PRRC2A: variants seen among roughly 807,000 people sequenced by gnomAD.
PRRC2A encodes protein PRRC2A.
PRRC2A carries 59 observed loss-of-function variants against 224.6 expected under a neutral mutation model. The observed-to-expected ratio is 0.26, with a 90% CI of 0.21 to 0.33. The LOEUF (loss-of-function observed/expected upper bound fraction) is 0.33. Among genes scored for constraint, PRRC2A ranks in the 10% least tolerant of loss-of-function variants. The pLI is 1.00. For synonymous variants in PRRC2A, 1,194 were observed against 1,109.5 expected, an observed-to-expected ratio of 1.08 and a Z score of -1.51; for missense variants, 3,095 against 2,880.7, an observed-to-expected ratio of 1.07 and a Z score of -1.70.
At chr6:31,630,559 G>A (rs1459346710) in intron 14 of PRRC2A, 32 bp from the exon 15 acceptor site, 2 of 1,611,304 alleles carry the variant, frequency 1.2e-6, no homozygotes, top group Middle Eastern at 1.7e-4. Context: ...GACATGAATA[G>A]GATTATTTTT....
chr6:31,622,100 T>C (rs1583173460), intron 1 of PRRC2A, among the ~76,000 whole-genome samples: 1 of 152,340 alleles, frequency 6.6e-6, no homozygotes, highest in East Asian at 1.9e-4. Context: ...TGGGAGTATG[T>C]ACAGCCCTAG....
chr6:31,628,780 T>G, intron 12 of PRRC2A: 1 of 243,866 alleles, frequency 4.1e-6, no homozygotes, highest in Non-Finnish European at 7.9e-6. Flanking sequence ...GGCAGAGATT[T>G]CTGTGAGCCA....
rs1405704391 is a variant in PRRC2A at position 31,635,591 on chromosome 6, G to A, written c.5383G>A (p.Val1795Ile). ...LTASVTEAIP[V>I]SRDWELLPSA... ...GGCCTCTCCTTCCCAGGCCATTCCT[G>A]TATCACGAGACTGGGAGCTGCTTCC... The change falls in exon 24 of 31, where the codon GTA becomes ATA. Residue 1795 changes from valine (V) to isoleucine (I), a missense_variant. By Grantham distance (29) the Val-to-Ile change is conservative. Around this residue, in one of 8 missense-constraint regions of PRRC2A, gnomAD observed 662 missense variants for 609.5 expected, o/e 1.09. Transcript: ENST00000376033. 1.2e-6 allele frequency: 2 copies of A among 1,611,020 alleles called. No homozygotes were observed. The highest frequency in any genetic ancestry group is 2.7e-5 in the African/African-American group (2 of 74,986).
Position 31,632,073 on chromosome 6 carries a change from C to G in PRRC2A, c.3400C>G (p.Gln1134Glu). ...CACACCCAAGGAGGGAACACTCACC[C>G]AGGTCCCTCTCGCTCCCCCACCACC... ...APTPKEGTLT[Q>E]VPLAPPPPGA... Residue 1134 changes from glutamine to glutamate, a missense_variant, in exon 16 of 31, where the codon CAG (glutamine) becomes GAG (glutamate). By Grantham distance (29) the Gln-to-Glu change is conservative (BLOSUM62 2). Transcript: ENST00000376033. 2 of 1,561,968 alleles carry G rather than the reference C, an allele frequency of 1.3e-6. No individual in the cohort carries two copies. The highest frequency in any genetic ancestry group is 1.7e-6 in the Non-Finnish European group (2 of 1,152,212).
chr6:31,637,294 C>A lies in PRRC2A; in HGVS notation c.6303C>A (p.Phe2101Leu). The change falls in exon 30 of 31, where the codon TTC becomes TTA. Residue 2101 changes from phenylalanine to leucine, a missense_variant. Physicochemically the swap from Phe to Leu is conservative, Grantham distance 22. Around this residue, in one of 8 missense-constraint regions of PRRC2A, gnomAD observed 662 missense variants for 609.5 expected, o/e 1.09. Coordinates refer to ENST00000376033, the MANE Select transcript of PRRC2A (RefSeq NM_004638.4). ...CGCCTTCCACCTACAGTGGAGTCTTCCGCACCCAGCGCGTCGACCTTTACC... is the reference window on the plus strand; with the variant it reads ...CGCCTTCCACCTACAGTGGAGTCTTACGCACCCAGCGCGTCGACCTTTACC... The part of the protein sequence containing the change: ...KATPSTYSGV[F>L]RTQRVDLYQQ... 6.2e-7 allele frequency: 1 copy of A among 1,612,582 alleles called. No individual in the cohort carries two copies. Among genetic ancestry groups the A allele is most frequent in the Non-Finnish European group, 8.5e-7 (1 of 1,179,558 alleles).
chr6:31,624,287 C>T lies in PRRC2A; in HGVS notation c.317C>T (p.Pro106Leu), dbSNP rs2280801. Residue 106 changes from proline (P) to leucine (L), a missense_variant, in exon 4 of 31, where the codon CCG becomes CTG. By Grantham distance (98) the Pro-to-Leu change is moderately conservative. Coordinates refer to ENST00000376033, the MANE Select transcript of PRRC2A (RefSeq NM_004638.4). ...KSSDASTAQPPESQPLPASQT... is the reference protein window; with the variant it reads ...KSSDASTAQPLESQPLPASQT... ...TCCGATGCCTCAACCGCTCAGCCGC[C>T]GGAATCGCAGCCACTGCCGGCTTCA... 94,910 of 1,613,766 alleles carry T rather than the reference C, an allele frequency of 0.059. 3,652 individuals carry two copies. The highest frequency in any genetic ancestry group is 0.15 in the East Asian group (6,778 of 44,874).
Position 31,634,234 on chromosome 6 carries a change from A to G in PRRC2A, c.4720-2A>G. The G allele has an allele frequency of 6.3e-7, 1 of 1,582,306 alleles. No homozygotes were observed. On this transcript the variant is annotated splice_acceptor_variant, in intron 18 of 30. Coordinates refer to ENST00000376033, the MANE Select transcript of PRRC2A (RefSeq NM_004638.4). LOFTEE classifies it high-confidence loss of function. ...TTTGCTTCTGGCCCTTCTCATCTGT[A>G]GGAATCTTTGCCACCTCCTCATAGC...
intron 1 of PRRC2A, among the ~76,000 whole-genome samples, chr6:31,621,932 C>T (rs539844843): frequency 2.0e-5 from 3 of 152,294 alleles, no homozygotes; most frequent in East Asian, 1.9e-4. Flanking sequence ...TTTTCTGGCC[C>T]ATGGTTACAG....
Position 31,631,489 on chromosome 6 carries a change from C to T in PRRC2A, c.2816C>T (p.Pro939Leu), listed in dbSNP as rs747418563. The change falls in exon 16 of 31, where the codon CCA becomes CTA. Residue 939 changes from proline to leucine, a missense_variant. Pro to Leu is a moderately conservative substitution (Grantham distance 98). Coordinates refer to ENST00000376033, the MANE Select transcript of PRRC2A (RefSeq NM_004638.4). This position sits in a 1 kb window ranked among gnomAD's most constrained non-coding sequence, Gnocchi z 4.5. ...RPGSSRRGIPPEEPGAPPRRA... is the reference protein window; with the variant it reads ...RPGSSRRGIPLEEPGAPPRRA... The stretch of plus-strand genomic sequence containing the variant: ...GGGAGCAGTCGTCGTGGAATCCCTC[C>T]AGAGGAGCCAGGGGCCCCACCCCGC... 1.9e-6 allele frequency: 3 copies of T among 1,608,278 alleles called. No individual in the cohort carries two copies. The South Asian group carries it at 3.3e-5, about 18-fold the overall frequency.
Position 31,632,802 on chromosome 6 carries a change from G to T in PRRC2A, c.4129G>T (p.Ala1377Ser). 6.2e-7 allele frequency: 1 copy of T among 1,613,144 alleles called. No homozygotes were observed. The highest frequency in any genetic ancestry group is 8.5e-7 in the Non-Finnish European group (1 of 1,180,030). ...GTCCCGCGGAGATCTGAGCCAGAGA[G>T]CCAAGGATTTGAGTAAACGGAGCTT... ...AMSRGDLSQR[A>S]KDLSKRSFSS... The change falls in exon 16 of 31, where the codon GCC (alanine) becomes TCC (serine). Residue 1377 changes from alanine to serine, a missense_variant. Transcript: ENST00000376033.
chr6:31,627,682 C>T lies in PRRC2A; in HGVS notation c.1291-83C>T, dbSNP rs899683387. 4.6e-6 allele frequency: 7 copies of T among 1,510,800 alleles called. No homozygotes were observed. The highest frequency in any genetic ancestry group is 1.4e-5 in the African/African-American group (1 of 72,170). The allele number at this position is 1,510,800 out of a possible 1,614,324, so 93.6% of individuals were successfully genotyped here. On this transcript the variant is annotated intron_variant, in intron 11 of 30. Transcript: ENST00000376033. The surrounding 1 kb of genome is among the most constrained non-coding windows in gnomAD (Gnocchi z 5.6). ...CTGGGTCGTTGCATCCTGCAAGTAG[C>T]GACAGTTGATTTGTTGTAAAAGAGA...
intron 2 of PRRC2A, 118 bp from the exon 3 acceptor site, chr6:31,623,609 TAAGAG>T: frequency 8.8e-7 from 1 of 1,131,650 alleles, no homozygotes. Flanking sequence ...GAATCCCTTC[TAAGAG>T]AAGTTTGGAG....
intron 2 of PRRC2A, 69 bp downstream of exon 2, chr6:31,622,970 T>C: frequency 7.8e-7 from 1 of 1,279,210 alleles, no homozygotes; most frequent in Non-Finnish European, 1.1e-6. Flanking sequence ...GTTTTAGAGC[T>C]CTTTAAAGGG....
Position 31,636,017 on chromosome 6 carries a change from C to T in PRRC2A, c.5592C>T (p.Phe1864=). ...DSQLHPNSGG[F]RPGTPSLHPY... is the part of the protein sequence containing the mutation. The stretch of plus-strand genomic sequence containing the variant: ...AATTACATCCAAACAGTGGAGGCTT[C>T]CGCCCTGGGACACCCTCACTGCACC... The change falls in exon 25 of 31, where the codon TTC becomes TTT. Residue 1864 remains phenylalanine, a synonymous_variant. Coordinates refer to ENST00000376033, the MANE Select transcript of PRRC2A (RefSeq NM_004638.4). The surrounding 1 kb of genome is among the most constrained non-coding windows in gnomAD (Gnocchi z 4.3). The T allele has an allele frequency of 1.2e-6, 2 of 1,613,592 alleles. No individual in the cohort carries two copies. The highest frequency in any genetic ancestry group is 1.7e-6 in the Non-Finnish European group (2 of 1,179,532).
At chr6:31,621,599 C>T (rs1379546508) in intron 1 of PRRC2A, among the ~76,000 whole-genome samples, 1 of 152,062 alleles carries the variant, frequency 6.6e-6, no homozygotes. Flanking sequence ...GTTTTCCCTT[C>T]ATATATTTAT....
Position 31,631,830 on chromosome 6 carries a change from G to A in PRRC2A, c.3157G>A (p.Glu1053Lys). 1 of 1,598,410 alleles carries A rather than the reference G, an allele frequency of 6.3e-7. No individual in the cohort carries two copies. The highest frequency in any genetic ancestry group is 8.5e-7 in the Non-Finnish European group (1 of 1,170,718). ...ACGAGGGCGGGGAGCCCGAAGCCGG[G>A]AATTCCGCAGTTACCGAGAGTTTCG... ...GGRGRGARSR[E>K]FRSYREFRGD... The change falls in exon 16 of 31, where the codon GAA becomes AAA. Residue 1053 changes from glutamate (E) to lysine (K), a missense_variant. Glu to Lys is a moderately conservative substitution (Grantham distance 56). Transcript: ENST00000376033. The surrounding 1 kb of genome is among the most constrained non-coding windows in gnomAD (Gnocchi z 4.5).
chr6:31,632,369 G>A lies in PRRC2A; in HGVS notation c.3696G>A (p.Val1232=). ...ARGGSNGGSN[V]GMEDGERPRR... is the part of the protein sequence containing the mutation. Reference sequence around the variant, plus strand: ...GAGGCAGCAATGGAGGTAGCAATGTGGGCATGGAAGATGGGGAGCGACCCC... The same window carrying A: ...GAGGCAGCAATGGAGGTAGCAATGTAGGCATGGAAGATGGGGAGCGACCCC... Residue 1232 remains valine, a synonymous_variant, in exon 16 of 31, where the codon GTG becomes GTA. Transcript: ENST00000376033. 1 of 1,612,888 alleles carries A rather than the reference G, an allele frequency of 6.2e-7. No individual in the cohort carries two copies. Among genetic ancestry groups the A allele is most frequent in the South Asian group, 1.1e-5 (1 of 91,058 alleles).
rs1234427391 is a variant in PRRC2A, at chr6:31,636,691, C to A, written c.5935-42C>A. 6 of 1,596,556 alleles carry A rather than the reference C, an allele frequency of 3.8e-6. No individual in the cohort carries two copies. The highest frequency in any genetic ancestry group is 5.1e-6 in the Non-Finnish European group (6 of 1,168,872). On this transcript the variant is annotated intron_variant, in intron 27 of 30. Coordinates refer to ENST00000376033, the MANE Select transcript of PRRC2A (RefSeq NM_004638.4). This position sits in a 1 kb window ranked among gnomAD's most constrained non-coding sequence, Gnocchi z 4.3. ...TGATTTTCCCTGGTTTTCTGACATTCCTCCCTGCCCCCAACATGCACACCC... is the reference window on the plus strand; with the variant it reads ...TGATTTTCCCTGGTTTTCTGACATTACTCCCTGCCCCCAACATGCACACCC...
rs1775686887 is a variant in PRRC2A at position 31,624,614 on chromosome 6, CTT to C, written c.463+94_463+95del. ...TTTTCAGCCAAGTGACCTTGGTCCTCTTTGGCTAAATCAAGGACCACCCATAT... is the reference window on the plus strand; with the variant it reads ...TTTTCAGCCAAGTGACCTTGGTCCTCTGGCTAAATCAAGGACCACCCATAT... On this transcript the variant is annotated intron_variant, in intron 5 of 30. Coordinates refer to ENST00000376033, the MANE Select transcript of PRRC2A (RefSeq NM_004638.4). 3.9e-5 allele frequency: 55 copies of C among 1,408,732 alleles called. No individual in the cohort carries two copies. The South Asian group carries it at 5.0e-4, about 13-fold the overall frequency. 87.3% of individuals were successfully genotyped at this position (1,408,732 alleles called of 1,614,324 possible).
Sources: gnomAD v4.1 joint callset for allele counts (sites outside exome capture counted in the v4.1 genomes callset) on GRCh38, gnomAD v4.1.1 for gene constraint, gnomAD v4.1.1 regional missense constraint, Gnocchi (gnomAD v3.1) non-coding constraint, MANE v1.5 for transcripts, NCBI Gene and HGNC (gene_info 2026-07-23, HGNC 2026-07-21) for gene names.